The following KCNQ5 variants were observed in gnomAD, a reference collection of about 807,000 sequenced individuals.
The protein encoded by KCNQ5 is potassium voltage-gated channel subfamily KQT member 5.
In KCNQ5, 30 loss-of-function variants were observed where a neutral mutation model predicts 98.2. That is an observed-to-expected ratio of 0.31 (90% CI 0.23 to 0.41). The LOEUF (loss-of-function observed/expected upper bound fraction) is 0.41, where lower values mean the gene tolerates loss of function less well. Ranked by LOEUF, KCNQ5 falls within the 10% of genes least tolerant of loss-of-function variation. KCNQ5 has a pLI of 1.00. For synonymous variants in KCNQ5, 458 were observed against 449.4 expected, an observed-to-expected ratio of 1.02 and a Z score of -0.24; for missense variants, 835 against 1,182.5, an observed-to-expected ratio of 0.71 and a Z score of 4.31.
chr6:72,754,953 T>G (rs1055089391), intron 1 of KCNQ5, among the ~76,000 whole-genome samples: 1 of 152,048 alleles, frequency 6.6e-6, no homozygotes, highest in African/African-American at 2.4e-5. Context: ...GTTCTCTCAG[T>G]TTTTTACTTT....
At chr6:73,193,664 G>A (rs577741536) in intron 13 of KCNQ5, among the ~76,000 whole-genome samples, 6 of 151,410 alleles carry the variant, frequency 4.0e-5, no homozygotes, top group African/African-American at 1.2e-4. Context: ...TATTAATTCC[G>A]GAGCATTTTG....
At chr6:72,837,724 CATGTT>C (rs1776568119) in intron 1 of KCNQ5, among the ~76,000 whole-genome samples, 1 of 151,896 alleles carries the variant, frequency 6.6e-6, no homozygotes, top group African/African-American at 2.4e-5. Flanking sequence ...TCAGAGAAGT[CATGTT>C]ATATGTTTTT....
At chr6:73,009,375 T>G (rs1378344087) in intron 2 of KCNQ5, among the ~76,000 whole-genome samples, 2 of 151,972 alleles carry the variant, frequency 1.3e-5, no homozygotes, top group African/African-American at 4.8e-5. Context: ...TGCCAAAACC[T>G]ATGGGACACA....
At chr6:72,982,442 T>G (rs1768509947) in intron 1 of KCNQ5, among the ~76,000 whole-genome samples, 1 of 151,734 alleles carries the variant, frequency 6.6e-6, no homozygotes, top group African/African-American at 2.4e-5. Flanking sequence ...TTGATCTTTG[T>G]TGGTTTAAAG....
At chr6:72,767,258 A>G (rs1289694097) in intron 1 of KCNQ5, among the ~76,000 whole-genome samples, 1 of 152,068 alleles carries the variant, frequency 6.6e-6, no homozygotes, top group East Asian at 1.9e-4. Flanking sequence ...AAATCAGTTA[A>G]TGGTGTTAGG....
chr6:72,920,717 C>T (rs1780354431), intron 1 of KCNQ5, among the ~76,000 whole-genome samples: 1 of 151,970 alleles, frequency 6.6e-6, no homozygotes, highest in African/African-American at 2.4e-5. Flanking sequence ...TACTAAATAC[C>T]AGCCAATACT....
intron 1 of KCNQ5, among the ~76,000 whole-genome samples, chr6:72,884,978 C>A (rs1202673739): frequency 6.6e-6 from 1 of 152,088 alleles, no homozygotes; most frequent in Non-Finnish European, 1.5e-5. Context: ...TTATTATACT[C>A]CACTCTTCCT....
chr6:73,101,280 A>G (rs905786752), intron 5 of KCNQ5, among the ~76,000 whole-genome samples: 9 of 152,342 alleles, frequency 5.9e-5, no homozygotes, highest in Non-Finnish European at 1.0e-4. Context: ...CATTAAAAAG[A>G]TCATCCATCA....
At chr6:73,044,288 T>C (rs1407820961) in intron 3 of KCNQ5, among the ~76,000 whole-genome samples, 2 of 152,110 alleles carry the variant, frequency 1.3e-5, no homozygotes, top group Non-Finnish European at 2.9e-5. Context: ...CTCAAAAAAA[T>C]ACTAGTATGA....
chr6:72,922,810 C>CTTTTTCTTTTTTTTTTTTTTT (rs1554186016), intron 1 of KCNQ5, among the ~76,000 whole-genome samples: 1 of 103,832 alleles, frequency 9.6e-6, no homozygotes, highest in Non-Finnish European at 1.9e-5. Flanking sequence ...TTTTCTTTTT[C>CTTTTTCTTTTTTTTTTTTTTT]TTTTTTTTTT....
intron 5 of KCNQ5, among the ~76,000 whole-genome samples, chr6:73,082,435 G>C (rs1773816553): frequency 6.6e-6 from 1 of 152,120 alleles, no homozygotes; most frequent in African/African-American, 2.4e-5. Context: ...TCACGAGTAT[G>C]AATCACAGAA....
At chr6:72,965,443 T>C (rs1767554886) in intron 1 of KCNQ5, among the ~76,000 whole-genome samples, 1 of 152,230 alleles carries the variant, frequency 6.6e-6, no homozygotes. Context: ...TCAGTGTTTG[T>C]AGTGACTTTA....
intron 1 of KCNQ5, among the ~76,000 whole-genome samples, chr6:72,876,687 T>C (rs925493888): frequency 1.3e-5 from 2 of 152,200 alleles, no homozygotes; most frequent in African/African-American, 4.8e-5. Flanking sequence ...TACAAAAGTA[T>C]TATACTAAGC....
intron 1 of KCNQ5, among the ~76,000 whole-genome samples, chr6:72,646,879 C>T (rs1169643580): frequency 6.6e-6 from 1 of 152,076 alleles, no homozygotes; most frequent in East Asian, 1.9e-4. Flanking sequence ...TCTTACTAAC[C>T]CTATAAAACT....
At chr6:73,109,289 T>C (rs945533746) in intron 6 of KCNQ5, among the ~76,000 whole-genome samples, 4 of 152,210 alleles carry the variant, frequency 2.6e-5, no homozygotes, top group African/African-American at 9.6e-5. Context: ...CCTGTCTTTA[T>C]TTTCCAAAGG....
At chr6:72,984,084 C>T (rs750877521) in intron 1 of KCNQ5, among the ~76,000 whole-genome samples, 3 of 152,138 alleles carry the variant, frequency 2.0e-5, no homozygotes, top group Admixed American at 1.3e-4. Flanking sequence ...CTGGAAGCTT[C>T]GTCCCAGAGG....
At chr6:72,824,785 CTGTGTGTGTG>C (rs35336711) in intron 1 of KCNQ5, among the ~76,000 whole-genome samples, 6 of 150,734 alleles carry the variant, frequency 4.0e-5, no homozygotes, top group African/African-American at 1.2e-4. Flanking sequence ...TTCTCTGTCT[CTGTGTGTGTG>C]TGTGTGTGTG....
At chr6:72,725,697 C>T (rs149259741) in intron 1 of KCNQ5, among the ~76,000 whole-genome samples, 2 of 152,198 alleles carry the variant, frequency 1.3e-5, no homozygotes, top group East Asian at 1.9e-4. Flanking sequence ...AAAAAATGGT[C>T]AGTATGTGAG....
At chr6:72,906,414 G>A (rs1779702354) in intron 1 of KCNQ5, among the ~76,000 whole-genome samples, 1 of 152,208 alleles carries the variant, frequency 6.6e-6, no homozygotes, top group African/African-American at 2.4e-5. Context: ...TTCTGATCAG[G>A]AGGCTTCTTG....
Sources: allele counts gnomAD v4.1 joint callset (sites outside exome capture counted in the v4.1 genomes callset), GRCh38; gene constraint gnomAD v4.1.1; transcripts MANE v1.5; gene names NCBI Gene and HGNC (gene_info 2026-07-23, HGNC 2026-07-21).